The following FBP1 variants were observed in gnomAD, a reference collection of about 807,000 sequenced individuals.
The protein encoded by FBP1 is fructose-bisphosphatase 1.
FBP1 carries 22 observed loss-of-function variants against 29.9 expected under a neutral mutation model. The ratio of observed to expected loss-of-function variants is 0.74; its 90% CI spans 0.53 to 1.05. The LOEUF (loss-of-function observed/expected upper bound fraction) is 1.05. FBP1 is among the 50% of genes least tolerant of loss of function. The pLI is 0.00. For missense variants in FBP1, 345 were observed against 448.2 expected (o/e 0.77, Z 2.08); for synonymous variants, 175 against 178.6 (o/e 0.98, Z 0.16).
Position 94,606,832 on chromosome 9 carries a change from T to G in FBP1, c.688A>C (p.Arg230=). The G allele has an allele frequency of 6.2e-7, 1 of 1,613,920 alleles. No individual in the cohort carries two copies. The highest frequency in any genetic ancestry group is 8.5e-7 in the Non-Finnish European group (1 of 1,179,844). The change falls in exon 5 of 7, where the codon AGG becomes CGG. Residue 230 remains arginine (R), a synonymous_variant. Transcript: ENST00000375326. ...FDPAVTEYIQ[R]KKFPPDNSAP... Reference sequence around the variant, plus strand: ...TCACTTACTGGGGGGAACTTCTTCCTCTGGATGTACTCAGTGACGGCAGGG... The same window carrying G: ...TCACTTACTGGGGGGAACTTCTTCCGCTGGATGTACTCAGTGACGGCAGGG...
chr9:94,620,658 C>T (rs143770386), intron 1 of FBP1, among the ~76,000 whole-genome samples, 167 bp from the exon 2 acceptor site: 156 of 152,278 alleles, frequency 1.0e-3, no homozygotes, highest in Non-Finnish European at 1.9e-3. Flanking sequence ...CAAACTAATA[C>T]AGGAACAGAA....
intron 6 of FBP1, chr9:94,603,975 T>G: frequency 3.1e-6 from 1 of 321,548 alleles, no homozygotes; most frequent in Non-Finnish European, 6.1e-6. Context: ...AAATCCATGG[T>G]GGTGTCTGGC....
At chr9:94,621,213 CAAAAAAAAAA>C (rs57221045) in intron 1 of FBP1, among the ~76,000 whole-genome samples, 95 of 43,990 alleles carry the variant, frequency 2.2e-3, no homozygotes, top group South Asian at 5.6e-3. Context: ...GACTCCGTCT[CAAAAAAAAAA>C]AAAAAAAAAA....
intron 1 of FBP1, among the ~76,000 whole-genome samples, chr9:94,633,084 G>A (rs930626375): frequency 5.9e-5 from 9 of 152,162 alleles, no homozygotes; most frequent in African/African-American, 2.2e-4. Flanking sequence ...TCCTTCCCCA[G>A]ACTAAAAACC....
At chr9:94,639,798 G>A (rs1461447333), upstream of FBP1, among the ~76,000 whole-genome samples, 1 of 151,980 alleles carries the variant, frequency 6.6e-6, no homozygotes, top group African/African-American at 2.4e-5. Context: ...CTCTGCCAGA[G>A]AGAAAGCTAT....
chr9:94,618,317 G>A (rs1050498600), intron 2 of FBP1, among the ~76,000 whole-genome samples: 15 of 151,884 alleles, frequency 9.9e-5, no homozygotes, highest in African/African-American at 3.1e-4. Flanking sequence ...AGGTTGGGGT[G>A]CATAGAGTTT....
At chr9:94,638,126 T>G (rs1405052596) in intron 1 of FBP1, among the ~76,000 whole-genome samples, 3 of 149,858 alleles carry the variant, frequency 2.0e-5, no homozygotes, top group Non-Finnish European at 4.4e-5. Context: ...AAAATACCTG[T>G]GCACACCAAC....
At chr9:94,615,601 A>T (rs1328064480) in intron 3 of FBP1, among the ~76,000 whole-genome samples, 1 of 152,200 alleles carries the variant, frequency 6.6e-6, no homozygotes, top group Non-Finnish European at 1.5e-5. Context: ...GAAAATGGAT[A>T]AATTGTTGCC....
rs758509921 is a variant in FBP1 at position 94,639,328 on chromosome 9, CGCGGGGCTGCAGGTGCAAGCGGCAGGT to C, written c.-45_-19del. ...TCAGCCATGCTTGAACCGGGTAGAG[CGCGGGGCTGCAGGTGCAAGCGGCAGGT>C]GCGGGGCTGCAGGTGCGGGCGGCAA... On this transcript the variant is annotated 5_prime_UTR_variant, in exon 1 of 7. Coordinates refer to ENST00000375326, the MANE Select transcript of FBP1 (RefSeq NM_000507.4). The C allele has an allele frequency of 9.4e-6, 15 of 1,600,752 alleles. No individual in the cohort carries two copies. Among genetic ancestry groups the C allele is most frequent in the South Asian group, 1.1e-5 (1 of 88,858 alleles).
At chr9:94,622,605 C>G (rs1028405047) in intron 1 of FBP1, among the ~76,000 whole-genome samples, 3 of 152,236 alleles carry the variant, frequency 2.0e-5, no homozygotes, top group Non-Finnish European at 4.4e-5. Context: ...CGCCTGTCAG[C>G]GTCTTTCAGC....
At chr9:94,608,971 C>T (rs1827740804) in intron 4 of FBP1, among the ~76,000 whole-genome samples, 1 of 152,094 alleles carries the variant, frequency 6.6e-6, no homozygotes, top group African/African-American at 2.4e-5. Context: ...GAGGCTGAGG[C>T]GGGCAGATCA....
chr9:94,613,068 C>T (rs1367914025), intron 3 of FBP1, among the ~76,000 whole-genome samples: 1 of 152,160 alleles, frequency 6.6e-6, no homozygotes, highest in Non-Finnish European at 1.5e-5. Flanking sequence ...GAGAAGTAGG[C>T]ACAGAAACGG....
chr9:94,637,707 T>A (rs1828212830), intron 1 of FBP1, among the ~76,000 whole-genome samples: 1 of 152,148 alleles, frequency 6.6e-6, no homozygotes, highest in Non-Finnish European at 1.5e-5. Flanking sequence ...GTGTCATTTT[T>A]ATAGTGTGCA....
chr9:94,623,762 G>A (rs573718043), intron 1 of FBP1, among the ~76,000 whole-genome samples: 20 of 152,332 alleles, frequency 1.3e-4, no homozygotes, highest in Middle Eastern at 3.4e-3. Flanking sequence ...TGCTGTGCAC[G>A]GGGAACCGTT....
chr9:94,610,391 G>A (rs556703369), intron 3 of FBP1, among the ~76,000 whole-genome samples: 2 of 152,102 alleles, frequency 1.3e-5, no homozygotes, highest in Admixed American at 1.3e-4. Flanking sequence ...ATCTTATTAC[G>A]GGCATCCATC....
intron 2 of FBP1, among the ~76,000 whole-genome samples, chr9:94,618,728 T>G (rs1019327995): frequency 6.6e-6 from 1 of 152,128 alleles, no homozygotes; most frequent in Non-Finnish European, 1.5e-5. Context: ...GATTCCTGTT[T>G]TGAGTGGGAT....
chr9:94,629,048 C>A lies in FBP1; in HGVS notation c.171-8557G>T, dbSNP rs372637485. 1.2e-4 allele frequency among the ~76,000 whole-genome samples: 19 copies of A among 152,310 alleles called. No individual in the cohort carries two copies. In the South Asian group the frequency reaches 1.9e-3, roughly 15 times the overall value. ...CCAGGCTGGAGTGCAATGGCGAGAT[C>A]TTGGCTTACTGCAACCTCCCCCTCC... On this transcript the variant is annotated intron_variant, in intron 1 of 6. Coordinates refer to ENST00000375326, the MANE Select transcript of FBP1 (RefSeq NM_000507.4).
At chr9:94,620,114 G>A (rs376070925) in intron 2 of FBP1, among the ~76,000 whole-genome samples, 22 of 152,168 alleles carry the variant, frequency 1.4e-4, no homozygotes, top group East Asian at 5.8e-4. Context: ...GAGTCCACTG[G>A]GGAGAAGGCG....
At chr9:94,626,835 C>T (rs1358470925) in intron 1 of FBP1, among the ~76,000 whole-genome samples, 2 of 152,224 alleles carry the variant, frequency 1.3e-5, no homozygotes, top group Admixed American at 6.5e-5. Flanking sequence ...GGCGGATTAC[C>T]TGAGGTTCAG....
Sources: allele counts gnomAD v4.1 joint callset (sites outside exome capture counted in the v4.1 genomes callset), GRCh38; gene constraint gnomAD v4.1.1; transcripts MANE v1.5; gene names NCBI Gene and HGNC (gene_info 2026-07-23, HGNC 2026-07-21).